BLM: variants seen among roughly 807,000 people sequenced by gnomAD.
BLM encodes the protein BLM RecQ like helicase.
Under a neutral mutation model 135.3 loss-of-function variants are expected in BLM, and 95 were observed. That is an observed-to-expected ratio of 0.70 (90% CI 0.59 to 0.83). BLM has a LOEUF of 0.83. BLM is among the 40% of genes least tolerant of loss of function. BLM has a pLI of 0.00. For synonymous variants in BLM, 520 were observed against 589.2 expected, an observed-to-expected ratio of 0.88 and a Z score of 1.70; for missense variants, 1,518 against 1,663.9, an observed-to-expected ratio of 0.91 and a Z score of 1.53.
intron 10 of BLM, among the ~76,000 whole-genome samples, 189 bp downstream of exon 10, chr15:90,767,212 AT>A (rs1448880934): frequency 1.3e-5 from 2 of 152,182 alleles, no homozygotes; most frequent in Non-Finnish European, 2.9e-5. Context: ...TTCCTGACAC[AT>A]TTGATTGAAA....
At chr15:90,762,447 T>G (rs1270037009) in intron 7 of BLM, 1 of 155,648 alleles carries the variant, frequency 6.4e-6, no homozygotes, top group Non-Finnish European at 1.4e-5. Context: ...TACCAATGTC[T>G]TGCAGACAAC....
intron 1 of BLM, among the ~76,000 whole-genome samples, chr15:90,728,029 C>T (rs1053926861): frequency 3.3e-5 from 5 of 152,122 alleles, no homozygotes; most frequent in Non-Finnish European, 7.4e-5. Context: ...CTTCTCTTAA[C>T]GACTTTCAAT....
Position 90,811,309 on chromosome 15 carries a change from G to T in BLM, c.3979G>T (p.Ala1327Ser), listed in dbSNP as rs2151199875. The T allele has an allele frequency of 2.5e-6, 4 of 1,614,172 alleles. No individual in the cohort carries two copies. Among genetic ancestry groups the T allele is most frequent in the Non-Finnish European group, 3.4e-6 (4 of 1,180,032 alleles). Residue 1327 changes from alanine to serine, a missense_variant, in exon 21 of 22, where the codon GCA (alanine) becomes TCA (serine). This residue lies in a region of BLM where 153 missense variants were observed against 173.4 expected (regional missense o/e 0.88). Transcript: ENST00000355112. ...AATACCCGTATCTTCCCACTACTTT[G>T]CAAGTAAAACCAGAAATGAAAGGAA... The part of the protein sequence containing the change: ...EEIPVSSHYF[A>S]SKTRNERKRK...
At chr15:90,752,000 G>T in intron 4 of BLM, 54 bp downstream of exon 4, 2 of 1,411,732 alleles carry the variant, frequency 1.4e-6, no homozygotes, top group Non-Finnish European at 2.0e-6. Flanking sequence ...ACTTTAAATT[G>T]TTTAATTTAG....
intron 17 of BLM, among the ~76,000 whole-genome samples, chr15:90,803,076 T>C (rs563719314): frequency 1.2e-4 from 18 of 151,438 alleles, no homozygotes; most frequent in African/African-American, 4.4e-4. Flanking sequence ...GGCAGGAGGA[T>C]CACTTGAGCC....
chr15:90,739,868 G>C (rs901157813), intron 1 of BLM, among the ~76,000 whole-genome samples: 2 of 152,040 alleles, frequency 1.3e-5, no homozygotes, highest in African/African-American at 4.8e-5. Context: ...TGGTTGAGCA[G>C]TCCTCCCACC....
chr15:90,772,525 C>T (rs1189467089), intron 12 of BLM, among the ~76,000 whole-genome samples: 1 of 152,212 alleles, frequency 6.6e-6, no homozygotes, highest in East Asian at 1.9e-4. Context: ...CTATTTTCCT[C>T]ATTCTACAGG....
intron 14 of BLM, among the ~76,000 whole-genome samples, chr15:90,789,987 G>GTTTTTTTTTTGT (rs1896857678): frequency 1.6e-4 from 9 of 57,378 alleles, no homozygotes; most frequent in African/African-American, 4.8e-4. Context: ...AGTCCCTGGT[G>GTTTTTTTTTTGT]TTTTTTTTTT....
At chr15:90,760,487 A>G (rs1265398674) in intron 6 of BLM, 107 bp from the exon 7 acceptor site, 4 of 1,335,046 alleles carry the variant, frequency 3.0e-6, no homozygotes, top group Admixed American at 4.1e-5. Context: ...AAAAGCGAAT[A>G]TATTTTGCTA....
rs61323062 is a variant in BLM at position 90,774,066 on chromosome 15, C to CTTT, written c.2555+4504_2555+4506dup. Among the ~76,000 whole-genome samples the CTTT allele has an allele frequency of 8.6e-4, 66 of 76,900 alleles. 4 individuals carry two copies. Among genetic ancestry groups the CTTT allele is most frequent in the African/African-American group, 1.7e-3 (27 of 16,304 alleles). The allele number at this position is 76,900 out of a possible 152,430, so 50.4% of individuals were successfully genotyped here. On this transcript the variant is annotated intron_variant, in intron 12 of 21. Coordinates refer to ENST00000355112, the MANE Select transcript of BLM (RefSeq NM_000057.4). Reference sequence around the variant, plus strand: ...AAACTAGTTTTCAAAGTGCCTCCGTCTTTTTTTTTTTTTTTTTTTTTTTTT... The same window carrying CTTT: ...AAACTAGTTTTCAAAGTGCCTCCGTCTTTTTTTTTTTTTTTTTTTTTTTTTTTT...
intron 3 of BLM, among the ~76,000 whole-genome samples, chr15:90,750,965 G>A (rs1895667415): frequency 6.6e-6 from 1 of 152,170 alleles, no homozygotes; most frequent in Non-Finnish European, 1.5e-5. Context: ...GTGGTTAGTG[G>A]TAAATTGGAA....
intron 20 of BLM, among the ~76,000 whole-genome samples, chr15:90,810,630 T>G (rs1312820407): frequency 6.6e-6 from 1 of 152,242 alleles, no homozygotes; most frequent in Non-Finnish European, 1.5e-5. Context: ...TGTGCTTTCA[T>G]GCGGTCTCAC....
chr15:90,811,733 C>G (rs1297583870), intron 21 of BLM, among the ~76,000 whole-genome samples: 6 of 152,226 alleles, frequency 3.9e-5, no homozygotes. Flanking sequence ...TCTCGGCTCA[C>G]TGCAACCTCT....
chr15:90,730,911 G>A (rs1895051438), intron 1 of BLM, among the ~76,000 whole-genome samples: 1 of 151,466 alleles, frequency 6.6e-6, no homozygotes. Flanking sequence ...TCATTTTTTA[G>A]ACAACACAAC....
chr15:90,767,603 G>A (rs1361776548), intron 10 of BLM, among the ~76,000 whole-genome samples: 2 of 152,174 alleles, frequency 1.3e-5, no homozygotes, highest in African/African-American at 4.8e-5. Flanking sequence ...CACAGAAACA[G>A]TGATATGTTC....
At position 90,760,863 on chromosome 15, in the gene BLM, A is replaced by G. The variant is rs368547042; in HGVS notation, c.1490A>G (p.Gln497Arg). The G allele has an allele frequency of 1.9e-5, 30 of 1,614,010 alleles. 1 individual carries two copies. In the Middle Eastern group the frequency reaches 2.0e-3, roughly 106 times the overall value. ...FERPLFNTHL[Q>R]KSFVSSNWAE... ...AGGCCTTTATTCAATACCCATTTAC[A>G]GAAGTCCTTTGTAAGTAGCAACTGG... Residue 497 changes from glutamine to arginine, a missense_variant, in exon 7 of 22, where the codon CAG becomes CGG. Transcript: ENST00000355112.
At chr15:90,812,265 A>G (rs1020420306) in intron 21 of BLM, among the ~76,000 whole-genome samples, 12 of 152,230 alleles carry the variant, frequency 7.9e-5, no homozygotes, top group Admixed American at 2.6e-4. Flanking sequence ...GGGTAGCAAG[A>G]AGAAGCCACA....
At chr15:90,773,711 A>G (rs1426628850) in intron 12 of BLM, among the ~76,000 whole-genome samples, 1 of 152,050 alleles carries the variant, frequency 6.6e-6, no homozygotes, top group Non-Finnish European at 1.5e-5. Context: ...TGGACATTTC[A>G]TATAAATGGA....
rs150075403 is a variant in BLM, at chr15:90,762,488, G to A, written c.1883-478G>A. On this transcript the variant is annotated intron_variant, in intron 7 of 21. Transcript: ENST00000355112. ...CTGTGTGCAGGACTGGAACTTAGGAGGGTGTCAGTTGGGTCTTAAGAGAGG... is the reference window on the plus strand; with the variant it reads ...CTGTGTGCAGGACTGGAACTTAGGAAGGTGTCAGTTGGGTCTTAAGAGAGG... 101 of 165,054 alleles carry A rather than the reference G, an allele frequency of 6.1e-4. No homozygotes were observed. In the Middle Eastern group the frequency reaches 9.8e-3, roughly 16 times the overall value. 10.2% of individuals were successfully genotyped at this position (165,054 alleles called of 1,614,324 possible).
Sources: allele counts gnomAD v4.1 joint callset (sites outside exome capture counted in the v4.1 genomes callset), GRCh38; gene constraint gnomAD v4.1.1; regional missense constraint gnomAD v4.1.1; transcripts MANE v1.5; gene names NCBI Gene and HGNC (gene_info 2026-07-23, HGNC 2026-07-21).